The following HS6ST3 variants were observed in gnomAD, a reference collection of about 807,000 sequenced individuals.
The protein encoded by HS6ST3 is heparan-sulfate 6-O-sulfotransferase 3.
A neutral mutation model predicts 36.7 loss-of-function variants in HS6ST3; 12 were observed. The observed-to-expected ratio is 0.33, with a 90% confidence interval of 0.21 to 0.53. The LOEUF is 0.53. Among genes scored for constraint, HS6ST3 ranks in the 20% least tolerant of loss-of-function variants. The pLI, the probability that HS6ST3 is intolerant of heterozygous loss-of-function variation, is 0.95. For missense variants in HS6ST3, 584 were observed against 640.9 expected (o/e 0.91, Z 0.96); for synonymous variants, 240 against 257.5 (o/e 0.93, Z 0.65).
chr13:96,590,322 C>G (rs933259508), intron 1 of HS6ST3, among the ~76,000 whole-genome samples: 3 of 152,064 alleles, frequency 2.0e-5, no homozygotes, highest in African/African-American at 7.2e-5. Context: ...TGAGGATTCC[C>G]TTTTCTCTGT....
chr13:96,630,513 G>A (rs751509544), intron 1 of HS6ST3, among the ~76,000 whole-genome samples: 8 of 152,066 alleles, frequency 5.3e-5, no homozygotes, highest in Non-Finnish European at 8.8e-5. Context: ...GCCCTCACTC[G>A]CCTTTCCTGC....
chr13:96,223,690 G>T (rs939135734), intron 1 of HS6ST3, among the ~76,000 whole-genome samples: 3 of 152,000 alleles, frequency 2.0e-5, no homozygotes, highest in African/African-American at 4.8e-5. Flanking sequence ...TTATTTTCAG[G>T]TTATTTCTTT....
At chr13:96,629,299 T>C (rs2056523702) in intron 1 of HS6ST3, among the ~76,000 whole-genome samples, 1 of 152,242 alleles carries the variant, frequency 6.6e-6, no homozygotes, top group Non-Finnish European at 1.5e-5. Context: ...TATACATCAA[T>C]GTTTCTTTGT....
At chr13:96,317,345 T>A (rs879262027) in intron 1 of HS6ST3, among the ~76,000 whole-genome samples, 10,005 of 36,580 alleles carry the variant, frequency 0.27, 658 homozygotes, top group Non-Finnish European at 0.29. Context: ...TATATATATA[T>A]ATATATATAT....
At chr13:96,114,818 T>C (rs903430466) in intron 1 of HS6ST3, among the ~76,000 whole-genome samples, 8 of 152,242 alleles carry the variant, frequency 5.3e-5, no homozygotes, top group Admixed American at 2.6e-4. Context: ...TAAATAGACA[T>C]TGACTTCTCA....
chr13:96,737,200 A>G (rs1008217722), intron 1 of HS6ST3, among the ~76,000 whole-genome samples: 1 of 152,238 alleles, frequency 6.6e-6, no homozygotes, highest in Non-Finnish European at 1.5e-5. Flanking sequence ...ATGCAGTGGA[A>G]ATTAAAAGAA....
Position 96,339,735 on chromosome 13 carries a change from T to C in HS6ST3, c.707+248166T>C, listed in dbSNP as rs548182808. Among the ~76,000 whole-genome samples, 5 of 152,320 alleles carry C rather than the reference T, an allele frequency of 3.3e-5. No homozygotes were observed. The South Asian group carries it at 1.0e-3, about 32-fold the overall frequency. The stretch of plus-strand genomic sequence containing the variant: ...GGCCTCCCCAGACCACCCCCATCAA[T>C]TGGGAGTAACAGTGGGTTACTATCT... On this transcript the variant is annotated intron_variant, in intron 1 of 1. Coordinates refer to ENST00000376705, the MANE Select transcript of HS6ST3 (RefSeq NM_153456.4).
chr13:96,833,136 G>A lies in HS6ST3; in HGVS notation c.1354G>A (p.Glu452Lys). Residue 452 changes from glutamate to lysine, a missense_variant, in exon 2 of 2, where the codon GAA (glutamate) becomes AAA (lysine). Glu to Lys is a moderately conservative substitution (Grantham distance 56). Coordinates refer to ENST00000376705, the MANE Select transcript of HS6ST3 (RefSeq NM_153456.4). ...GCACAGGGACCACCAGTGGCCCAAA[G>A]AAGATGGGGCTGCAGAAGGGACTGT... ...REHRDHQWPK[E>K]DGAAEGTVTE... 6.2e-7 allele frequency: 1 copy of A among 1,600,472 alleles called. No individual in the cohort carries two copies. Among genetic ancestry groups the A allele is most frequent in the Admixed American group, 1.7e-5 (1 of 59,834 alleles).
intron 1 of HS6ST3, among the ~76,000 whole-genome samples, chr13:96,166,567 C>CT (rs1205779954): frequency 7.0e-6 from 1 of 143,388 alleles, no homozygotes; most frequent in African/African-American, 2.6e-5. Flanking sequence ...TTCTTTCTTT[C>CT]TTTCTTTCTT....
intron 1 of HS6ST3, among the ~76,000 whole-genome samples, chr13:96,620,573 C>T (rs2056491302): frequency 6.6e-6 from 1 of 152,168 alleles, no homozygotes; most frequent in Admixed American, 6.5e-5. Context: ...AATGGGATTT[C>T]TTGAACAGAG....
At chr13:96,750,709 A>G (rs1876681229) in intron 1 of HS6ST3, among the ~76,000 whole-genome samples, 1 of 152,208 alleles carries the variant, frequency 6.6e-6, no homozygotes, top group Non-Finnish European at 1.5e-5. Flanking sequence ...TAGACATTCA[A>G]GAAAGACTGG....
chr13:96,533,474 T>C (rs1487096367), intron 1 of HS6ST3, among the ~76,000 whole-genome samples: 2 of 152,202 alleles, frequency 1.3e-5, no homozygotes, highest in Non-Finnish European at 2.9e-5. Flanking sequence ...CAGCACTAGG[T>C]GAAATACAGA....
intron 1 of HS6ST3, among the ~76,000 whole-genome samples, chr13:96,524,758 A>G (rs1443767040): frequency 6.6e-6 from 1 of 152,184 alleles, no homozygotes; most frequent in Non-Finnish European, 1.5e-5. Flanking sequence ...AGGTACAGTC[A>G]CTCAGGGCTT....
chr13:96,592,153 A>G (rs1379571129), intron 1 of HS6ST3, among the ~76,000 whole-genome samples: 1 of 152,086 alleles, frequency 6.6e-6, no homozygotes, highest in Non-Finnish European at 1.5e-5. Context: ...AATGGCCTAT[A>G]GTTTTCTTTC....
chr13:96,194,001 A>T (rs1258546593), intron 1 of HS6ST3, among the ~76,000 whole-genome samples: 1 of 152,150 alleles, frequency 6.6e-6, no homozygotes, highest in Non-Finnish European at 1.5e-5. Flanking sequence ...AACAACAGAC[A>T]TGAGTTATTG....
intron 1 of HS6ST3, among the ~76,000 whole-genome samples, chr13:96,784,194 TTAA>T (rs2138515778): frequency 6.6e-6 from 1 of 152,072 alleles, no homozygotes; most frequent in East Asian, 1.9e-4. Context: ...TGAGAAGAGA[TTAA>T]TGACAGTAAC....
At chr13:96,381,434 C>T (rs1164911425) in intron 1 of HS6ST3, among the ~76,000 whole-genome samples, 1 of 151,570 alleles carries the variant, frequency 6.6e-6, no homozygotes, top group African/African-American at 2.4e-5. Context: ...ATCTATCTAT[C>T]TATCACTCAT....
At chr13:96,402,179 C>T (rs140118681) in intron 1 of HS6ST3, among the ~76,000 whole-genome samples, 296 of 152,238 alleles carry the variant, frequency 1.9e-3, no homozygotes, top group African/African-American at 6.8e-3. Flanking sequence ...ATATGTTGAA[C>T]TTATTAACTA....
intron 1 of HS6ST3, among the ~76,000 whole-genome samples, chr13:96,810,948 G>T (rs964497696): frequency 6.6e-6 from 1 of 152,038 alleles, no homozygotes; most frequent in Non-Finnish European, 1.5e-5. Context: ...TCTGAGCTGT[G>T]AACAATATTC....
Sources: allele counts gnomAD v4.1 joint callset (sites outside exome capture counted in the v4.1 genomes callset), GRCh38; gene constraint gnomAD v4.1.1; transcripts MANE v1.5; gene names NCBI Gene and HGNC (gene_info 2026-07-23, HGNC 2026-07-21).